ANKRD10: variants seen among roughly 807,000 people sequenced by gnomAD.
ANKRD10 encodes ankyrin repeat domain 10, also known as ankyrin repeat domain-containing protein 10.
ANKRD10 carries 14 observed loss-of-function variants against 27.0 expected under a neutral mutation model. The observed-to-expected ratio is 0.52, with a 90% CI of 0.34 to 0.81. The LOEUF is 0.81. Ranked by LOEUF, ANKRD10 falls within the 40% of genes least tolerant of loss-of-function variation. The probability of loss-of-function intolerance (pLI) is 0.01; values close to 1 mark genes in which losing one functional copy is unlikely to be tolerated. For missense variants in ANKRD10, 493 were observed against 544.0 expected, an observed-to-expected ratio of 0.91 and a Z score of 0.93; for synonymous variants, 250 against 224.5, an observed-to-expected ratio of 1.11 and a Z score of -1.01.
chr13:110,899,418 T>C (rs2065321954), intron 3 of ANKRD10, among the ~76,000 whole-genome samples: 1 of 152,218 alleles, frequency 6.6e-6, no homozygotes, highest in Non-Finnish European at 1.5e-5. Flanking sequence ...TTTCTGAAAA[T>C]AGGACTGTGT....
intron 3 of ANKRD10, chr13:110,894,328 A>AAT (rs1332867030): frequency 1.9e-6 from 1 of 516,700 alleles, no homozygotes; most frequent in Non-Finnish European, 3.5e-6. Flanking sequence ...AGCATGATGA[A>AAT]ATCAAGGCCT....
intron 3 of ANKRD10, chr13:110,894,336 C>T (rs1379873520): frequency 7.1e-6 from 3 of 420,038 alleles, no homozygotes; most frequent in African/African-American, 2.2e-5. Flanking sequence ...GAAATCAAGG[C>T]CTTGTGCTGT....
chr13:110,884,166 T>C (rs967189171), intron 4 of ANKRD10, among the ~76,000 whole-genome samples: 1 of 151,932 alleles, frequency 6.6e-6, no homozygotes, highest in African/African-American at 2.4e-5. Context: ...TAAATTTACA[T>C]ACAATTAAAA....
intron 4 of ANKRD10, among the ~76,000 whole-genome samples, chr13:110,890,791 G>A (rs1468619246): frequency 7.4e-6 from 1 of 135,988 alleles, no homozygotes; most frequent in Non-Finnish European, 1.6e-5. Context: ...GTATAGTTTG[G>A]GAAGGCTGCA....
chr13:110,896,374 T>C (rs769846217), intron 3 of ANKRD10, among the ~76,000 whole-genome samples: 1 of 152,238 alleles, frequency 6.6e-6, no homozygotes, highest in African/African-American at 2.4e-5. Context: ...TTTAATTTGT[T>C]AGCATTTATA....
intron 1 of ANKRD10, among the ~76,000 whole-genome samples, chr13:110,914,342 C>A (rs1037540368): frequency 6.6e-6 from 1 of 152,178 alleles, no homozygotes; most frequent in African/African-American, 2.4e-5. Flanking sequence ...AAATCGCTCG[C>A]GCCTCCGGCC....
intron 2 of ANKRD10, among the ~76,000 whole-genome samples, chr13:110,906,600 G>A (rs552353598): frequency 2.0e-5 from 3 of 152,238 alleles, no homozygotes; most frequent in South Asian, 2.1e-4. Context: ...CATCAATGCC[G>A]ATCTTGAATC....
chr13:110,899,622 T>A (rs2065328175), intron 3 of ANKRD10, among the ~76,000 whole-genome samples: 1 of 152,200 alleles, frequency 6.6e-6, no homozygotes, highest in Non-Finnish European at 1.5e-5. Context: ...GCAAGCTAAA[T>A]GTGCTGCAAT....
intron 3 of ANKRD10, among the ~76,000 whole-genome samples, chr13:110,904,542 C>A (rs1200641824): frequency 6.6e-6 from 1 of 152,160 alleles, no homozygotes; most frequent in African/African-American, 2.4e-5. Context: ...TTCTAATTAT[C>A]CACTGTTTGA....
chr13:110,888,924 A>G (rs992971501), intron 4 of ANKRD10, among the ~76,000 whole-genome samples: 1 of 152,186 alleles, frequency 6.6e-6, no homozygotes, highest in African/African-American at 2.4e-5. Flanking sequence ...ACCACAGCCT[A>G]CTTCTGGGGC....
intron 4 of ANKRD10, among the ~76,000 whole-genome samples, chr13:110,885,931 G>A (rs1277655828): frequency 6.6e-6 from 1 of 152,252 alleles, no homozygotes; most frequent in Non-Finnish European, 1.5e-5. Flanking sequence ...CTTCACGAAA[G>A]CTGGGGTGTT....
At chr13:110,888,064 C>T (rs905873931) in intron 4 of ANKRD10, among the ~76,000 whole-genome samples, 2 of 152,100 alleles carry the variant, frequency 1.3e-5, no homozygotes, top group Non-Finnish European at 2.9e-5. Context: ...TTTCGCGGGA[C>T]CCGCCAGGGC....
chr13:110,898,625 AGT>A (rs1000635023), intron 3 of ANKRD10, among the ~76,000 whole-genome samples: 17 of 152,062 alleles, frequency 1.1e-4, no homozygotes, highest in African/African-American at 3.9e-4. Context: ...GCTGGAGTGC[AGT>A]GGTGCAATCA....
At position 110,879,756 on chromosome 13, in the gene ANKRD10, C is replaced by A; in HGVS notation, c.1144G>T (p.Asp382Tyr). Residue 382 changes from aspartate (D) to tyrosine (Y), a missense_variant, in exon 6 of 6, where the codon GAC (aspartate) becomes TAC (tyrosine). By Grantham distance (160) the Asp-to-Tyr change is radical (BLOSUM62 -3). Coordinates refer to ENST00000267339, the MANE Select transcript of ANKRD10 (RefSeq NM_017664.4). ...AGTTCTGGGATGCTTTCAGCAGTGT[C>A]CCCAAACCCGTGGTAGTGTCCATAG... ...LYYGHYHGFG[D>Y]TAESIPELNS... The A allele has an allele frequency of 6.2e-7, 1 of 1,614,216 alleles. No homozygotes were observed. The highest frequency in any genetic ancestry group is 1.1e-5 in the South Asian group (1 of 91,080).
chr13:110,897,294 CTTTTT>C (rs35945478), intron 3 of ANKRD10, among the ~76,000 whole-genome samples: 19 of 127,530 alleles, frequency 1.5e-4, no homozygotes, highest in African/African-American at 4.2e-4. Context: ...TGCCTGGCTA[CTTTTT>C]TTTTTTTTTT....
Position 110,914,958 on chromosome 13 carries a change from G to A in ANKRD10, c.-24C>T, listed in dbSNP as rs1405465798. On this transcript the variant is annotated 5_prime_UTR_variant, in exon 1 of 6. Transcript: ENST00000267339. ...ATGGTCCGTCACCGGAGAGCGCGGG[G>A]CTCGCTGGCCTAGAGGACGCGTCGG... The A allele has an allele frequency of 2.0e-6, 3 of 1,524,940 alleles. No homozygotes were observed. Among genetic ancestry groups the A allele is most frequent in the South Asian group, 1.2e-5 (1 of 82,154 alleles). The allele number at this position is 1,524,940 out of a possible 1,614,324, so 94.5% of individuals were successfully genotyped here. A position where few individuals can be genotyped will look rare whatever the true frequency, so the allele number is the denominator to read the frequency against.
At chr13:110,883,017 G>C (rs796239438) in intron 5 of ANKRD10, among the ~76,000 whole-genome samples, 8 of 152,328 alleles carry the variant, frequency 5.3e-5, no homozygotes, top group African/African-American at 1.9e-4. Flanking sequence ...GAACTGAGCT[G>C]CTTCTGCTTC....
In ANKRD10 at chr13:110,880,054, T is replaced by C. The variant is rs777051024; in HGVS notation, c.846A>G (p.Gly282=). The C allele has an allele frequency of 4.3e-6, 7 of 1,614,144 alleles. No homozygotes were observed. Among genetic ancestry groups the C allele is most frequent in the Non-Finnish European group, 5.9e-6 (7 of 1,180,016 alleles). The part of the protein sequence containing the change: ...NTLTNGCVIN[G]HLDFPSTTPL... Reference sequence around the variant, plus strand: ...GGGTCGTGGAGGGGAAGTCCAAATGTCCATTGATGACACATCCATTTGTCA... The same window carrying C: ...GGGTCGTGGAGGGGAAGTCCAAATGCCCATTGATGACACATCCATTTGTCA... Residue 282 remains glycine (G), a synonymous_variant, in exon 6 of 6, where the codon GGA becomes GGG. Coordinates refer to ENST00000267339, the MANE Select transcript of ANKRD10 (RefSeq NM_017664.4).
chr13:110,892,260 C>A (rs933727534), intron 4 of ANKRD10, among the ~76,000 whole-genome samples: 1 of 149,870 alleles, frequency 6.7e-6, no homozygotes, highest in Admixed American at 6.6e-5. Flanking sequence ...GGTGAAGCCC[C>A]TTCTCTACTA....
Sources: allele counts gnomAD v4.1 joint callset (sites outside exome capture counted in the v4.1 genomes callset), GRCh38; gene constraint gnomAD v4.1.1; transcripts MANE v1.5; gene names NCBI Gene and HGNC (gene_info 2026-07-23, HGNC 2026-07-21).